The following PRORP variants were observed in gnomAD, a reference collection of about 807,000 sequenced individuals.
The protein encoded by PRORP is mitochondrial ribonuclease P catalytic subunit.
A neutral mutation model predicts 59.4 loss-of-function variants in PRORP; 51 were observed. That is an observed-to-expected ratio of 0.86 (90% CI 0.69 to 1.08). PRORP has a LOEUF of 1.08. PRORP is among the 50% of genes least tolerant of loss of function. The pLI, the probability that PRORP is intolerant of heterozygous loss-of-function variation, is 0.00. For synonymous variants in PRORP, 231 were observed against 245.6 expected (o/e 0.94, Z 0.55); for missense variants, 646 against 690.3 (o/e 0.94, Z 0.72).
chr14:35,270,352 C>G (rs2051153750), intron 6 of PRORP, 49 bp from the exon 7 acceptor site: 1 of 1,561,632 alleles, frequency 6.4e-7, no homozygotes, highest in Non-Finnish European at 8.8e-7. Flanking sequence ...ACACTGTCCT[C>G]TGCCTCTTCA....
intron 4 of PRORP, among the ~76,000 whole-genome samples, chr14:35,152,840 G>A (rs1595197683): frequency 1.3e-5 from 2 of 151,100 alleles, no homozygotes; most frequent in Admixed American, 6.6e-5. Flanking sequence ...GTGGGCGGCC[G>A]GACAGAGACT....
At chr14:35,263,244 T>C (rs2050950947) in intron 5 of PRORP, among the ~76,000 whole-genome samples, 1 of 152,228 alleles carries the variant, frequency 6.6e-6, no homozygotes, top group African/African-American at 2.4e-5. Flanking sequence ...AGTTTTCAAA[T>C]ATGAGCTACT....
chr14:35,187,427 T>C (rs1158053496), intron 5 of PRORP, among the ~76,000 whole-genome samples: 1 of 89,716 alleles, frequency 1.1e-5, no homozygotes, highest in Non-Finnish European at 2.8e-5. Flanking sequence ...GTAGTTTCTT[T>C]GTTTTTTTTT....
intron 4 of PRORP, among the ~76,000 whole-genome samples, chr14:35,150,810 C>A (rs118177550): frequency 1.3e-5 from 2 of 152,210 alleles, no homozygotes; most frequent in Non-Finnish European, 2.9e-5. Flanking sequence ...AGGGGCTGAT[C>A]TGAGGGGGGT....
intron 4 of PRORP, among the ~76,000 whole-genome samples, chr14:35,128,946 C>T (rs1057492234): frequency 1.3e-5 from 2 of 151,752 alleles, no homozygotes; most frequent in African/African-American, 4.8e-5. Flanking sequence ...CCTGTAATCC[C>T]AGCACTTTGG....
chr14:35,228,774 G>A (rs2050001746), intron 5 of PRORP, among the ~76,000 whole-genome samples: 1 of 152,204 alleles, frequency 6.6e-6, no homozygotes, highest in Non-Finnish European at 1.5e-5. Flanking sequence ...ACATATGAGT[G>A]CATGTGTCTT....
chr14:35,245,076 G>A (rs1489799528), intron 5 of PRORP, among the ~76,000 whole-genome samples: 4 of 152,190 alleles, frequency 2.6e-5, no homozygotes, highest in South Asian at 2.1e-4. Flanking sequence ...CCACATCAGG[G>A]CATCTGGCAA....
At chr14:35,249,360 T>C (rs2050558421) in intron 5 of PRORP, among the ~76,000 whole-genome samples, 1 of 152,116 alleles carries the variant, frequency 6.6e-6, no homozygotes, top group African/African-American at 2.4e-5. Context: ...GGCAGGAGGA[T>C]TGCTTGAGCC....
In PRORP at chr14:35,273,612, T is replaced by C; in HGVS notation, c.*46T>C. The C allele has an allele frequency of 6.3e-7, 1 of 1,583,086 alleles. No individual in the cohort carries two copies. Among genetic ancestry groups the C allele is most frequent in the African/African-American group, 1.4e-5 (1 of 73,806 alleles). ...AGTTTGTGTTTGGGTACCCTCTAGG[T>C]TGGCATCAGAGGCTCTTGAGCTGGT... On this transcript the variant is annotated 3_prime_UTR_variant, in exon 8 of 8. Transcript: ENST00000534898.
At chr14:35,172,413 T>TTGCC (rs2048332703) in intron 4 of PRORP, among the ~76,000 whole-genome samples, 1 of 77,548 alleles carries the variant, frequency 1.3e-5, no homozygotes, top group Non-Finnish European at 2.6e-5. Flanking sequence ...GGTTTCTTTC[T>TTGCC]TTCCTTCCTT....
chr14:35,159,328 T>C (rs1029049377), intron 4 of PRORP, among the ~76,000 whole-genome samples: 2 of 152,186 alleles, frequency 1.3e-5, no homozygotes, highest in Admixed American at 1.3e-4. Context: ...TTTCCCCTCA[T>C]CTAAAATATA....
chr14:35,255,537 A>G (rs1462496175), intron 5 of PRORP, among the ~76,000 whole-genome samples: 1 of 152,192 alleles, frequency 6.6e-6, no homozygotes, highest in African/African-American at 2.4e-5. Context: ...TCAATTCATC[A>G]GGACCATTAT....
At chr14:35,256,307 A>G (rs1272171465) in intron 5 of PRORP, among the ~76,000 whole-genome samples, 1 of 147,304 alleles carries the variant, frequency 6.8e-6, no homozygotes, top group Non-Finnish European at 1.5e-5. Flanking sequence ...AAAAAAAAGA[A>G]AAAAGAAATT....
chr14:35,181,165 C>G (rs7159008), intron 5 of PRORP, among the ~76,000 whole-genome samples: 9,368 of 152,170 alleles, frequency 0.062, 378 homozygotes, highest in Middle Eastern at 0.11. Flanking sequence ...ATATTAATCA[C>G]TCATTACTCA....
At position 35,124,208 on chromosome 14, in the gene PRORP, C is replaced by G; in HGVS notation, c.963C>G (p.His321Gln). 6.4e-7 allele frequency: 1 copy of G among 1,560,956 alleles called. No individual in the cohort carries two copies. The highest frequency in any genetic ancestry group is 8.6e-7 in the Non-Finnish European group (1 of 1,158,956). The change falls in exon 2 of 8, where the codon CAC (histidine) becomes CAG (glutamine). Residue 321 changes from histidine (H) to glutamine (Q), a missense_variant. Transcript: ENST00000534898. ...TGTATCCAGGGGAGTCATTTGCACA[C>G]AGTATAAAAACATGGTTTGAGAGGT... ...NQLYPGESFAHSIKTWFESVP... is the reference protein window; with the variant it reads ...NQLYPGESFAQSIKTWFESVP...
intron 5 of PRORP, among the ~76,000 whole-genome samples, chr14:35,199,107 G>A (rs1049643641): frequency 6.6e-6 from 1 of 152,126 alleles, no homozygotes; most frequent in Non-Finnish European, 1.5e-5. Context: ...GGCGGAGGCT[G>A]CAGTGAGCCG....
chr14:35,184,005 C>G (rs1039346638), intron 5 of PRORP, among the ~76,000 whole-genome samples: 1 of 152,056 alleles, frequency 6.6e-6, no homozygotes, highest in Admixed American at 6.6e-5. Flanking sequence ...TTTTTTCCAT[C>G]TTTGAAGAGA....
At chr14:35,153,291 A>G (rs970728874) in intron 4 of PRORP, among the ~76,000 whole-genome samples, 1 of 152,324 alleles carries the variant, frequency 6.6e-6, no homozygotes, top group Non-Finnish European at 1.5e-5. Flanking sequence ...TTGGGAGGCT[A>G]AGGCAGGAGA....
At chr14:35,218,645 G>C (rs1434743293) in intron 5 of PRORP, among the ~76,000 whole-genome samples, 1 of 149,768 alleles carries the variant, frequency 6.7e-6, no homozygotes, top group Non-Finnish European at 1.5e-5. Flanking sequence ...TCCTGCCTCA[G>C]CCTCCCGAGT....
Sources: allele counts gnomAD v4.1 joint callset (sites outside exome capture counted in the v4.1 genomes callset), GRCh38; gene constraint gnomAD v4.1.1; transcripts MANE v1.5; gene names NCBI Gene and HGNC (gene_info 2026-07-23, HGNC 2026-07-21).